CHRM5: variants seen among roughly 807,000 people sequenced by gnomAD.
The protein encoded by CHRM5 is muscarinic acetylcholine receptor M5.
A neutral mutation model predicts 39.0 loss-of-function variants in CHRM5; 18 were observed. The ratio of observed to expected loss-of-function variants is 0.46; its 90% CI spans 0.32 to 0.68. CHRM5 has a LOEUF of 0.68. Ranked by LOEUF, CHRM5 falls within the 30% of genes least tolerant of loss-of-function variation. The probability of loss-of-function intolerance (pLI) is 0.04; values close to 1 mark genes in which losing one functional copy is unlikely to be tolerated. For missense variants in CHRM5, 515 were observed against 651.1 expected (o/e 0.79, Z 2.28); for synonymous variants, 241 against 246.3 (o/e 0.98, Z 0.20).
chr15:34,004,731 T>C (rs1372370722), intron 1 of CHRM5, among the ~76,000 whole-genome samples: 1 of 152,140 alleles, frequency 6.6e-6, no homozygotes, highest in South Asian at 2.1e-4. Flanking sequence ...TATACTTAAT[T>C]GGTAATTGCT....
rs749036249 is a variant in CHRM5, at chr15:34,047,376, G to A, written c.-76+505G>A. Among the ~76,000 whole-genome samples, 9 of 151,946 alleles carry A rather than the reference G, an allele frequency of 5.9e-5. No individual in the cohort carries two copies. The South Asian group carries it at 1.0e-3, about 18-fold the overall frequency. ...ACAGGCGTGAGCCACCGTGCCCGGC[G>A]GAGACCTAGCAGTTTTACATACTCC... On this transcript the variant is annotated intron_variant, in intron 2 of 2. Transcript: ENST00000383263.
At chr15:34,058,555 A>AACACACACACACACACAC (rs3027963) in intron 2 of CHRM5, among the ~76,000 whole-genome samples, 4 of 143,180 alleles carry the variant, frequency 2.8e-5, no homozygotes, top group South Asian at 4.7e-4. Flanking sequence ...CTTTAATTCT[A>AACACACACACACACACAC]ACACACACAC....
chr15:33,999,907 A>C (rs1299289842), intron 1 of CHRM5, among the ~76,000 whole-genome samples: 1 of 152,180 alleles, frequency 6.6e-6, no homozygotes, highest in Non-Finnish European at 1.5e-5. Flanking sequence ...TCTCACTCAG[A>C]ATAAAAGAAA....
At position 34,062,629 on chromosome 15, in the gene CHRM5, T is replaced by G. The variant is rs1900379748; in HGVS notation, c.-75-14T>G. Reference sequence around the variant, plus strand: ...TGCTGGTGTGCGAAGCTAATGTGTTTCCCTCTCTTCCAGATGCTGGCCAAG... The same window carrying G: ...TGCTGGTGTGCGAAGCTAATGTGTTGCCCTCTCTTCCAGATGCTGGCCAAG... On this transcript the variant is annotated splice_polypyrimidine_tract_variant and intron_variant, in intron 2 of 2. Coordinates refer to ENST00000383263, the MANE Select transcript of CHRM5 (RefSeq NM_012125.4). The G allele has an allele frequency of 4.9e-6, 6 of 1,220,434 alleles. No homozygotes were observed. Among genetic ancestry groups the G allele is most frequent in the South Asian group, 1.4e-5 (1 of 69,196 alleles). 75.6% of individuals were successfully genotyped at this position (1,220,434 alleles called of 1,614,324 possible).
intron 1 of CHRM5, chr15:33,990,574 A>G (rs1394473201): frequency 6.6e-6 from 1 of 152,236 alleles, no homozygotes; most frequent in Admixed American, 6.5e-5. Flanking sequence ...TAAATTATCT[A>G]ATAATAAACA....
intron 1 of CHRM5, among the ~76,000 whole-genome samples, chr15:34,025,529 ATAAAGGACG>A (rs974157034): frequency 6.6e-6 from 1 of 152,204 alleles, no homozygotes; most frequent in Admixed American, 6.5e-5. Flanking sequence ...TCGAAGCCTA[ATAAAGGACG>A]TTATTGGGTC....
intron 1 of CHRM5, among the ~76,000 whole-genome samples, chr15:33,970,944 T>C (rs1895611475): frequency 1.3e-5 from 2 of 152,112 alleles, no homozygotes; most frequent in Admixed American, 1.3e-4. Flanking sequence ...TTCACTTTCT[T>C]TCCTTTCCAA....
chr15:34,062,288 G>A (rs1488191178), intron 2 of CHRM5, among the ~76,000 whole-genome samples: 1 of 152,180 alleles, frequency 6.6e-6, no homozygotes, highest in Non-Finnish European at 1.5e-5. Flanking sequence ...GGGCGCGGTG[G>A]CTCACGCCTG....
chr15:34,014,257 G>A (rs540306747), intron 1 of CHRM5, among the ~76,000 whole-genome samples: 1 of 151,666 alleles, frequency 6.6e-6, no homozygotes, highest in South Asian at 2.1e-4. Context: ...CCAGCTACTT[G>A]GGAGGCTGAG....
At position 34,065,914 on chromosome 15, in the gene CHRM5, A is replaced by G. The variant is rs1415369305; in HGVS notation, c.*1598A>G. The stretch of plus-strand genomic sequence containing the variant: ...TGTAGGCCGGGTCCTTTTCAGTCTC[A>G]TTTGCTAAGAGGATGGAAAATTAGC... On this transcript the variant is annotated 3_prime_UTR_variant, in exon 3 of 3. Transcript: ENST00000383263. 1 of 152,162 alleles carries G rather than the reference A, an allele frequency of 6.6e-6. No individual in the cohort carries two copies. The highest frequency in any genetic ancestry group is 1.5e-5 in the Non-Finnish European group (1 of 68,044). The allele number at this position is 152,162 out of a possible 1,614,324, so 9.4% of individuals were successfully genotyped here.
intron 1 of CHRM5, among the ~76,000 whole-genome samples, chr15:34,008,483 C>CTTT (rs200355232): frequency 3.1e-4 from 37 of 119,242 alleles, no homozygotes; most frequent in African/African-American, 1.3e-3. Flanking sequence ...GATGAAAAAC[C>CTTT]TTTTTTTTTT....
chr15:33,975,177 G>GCTT (rs2140507095), intron 1 of CHRM5, among the ~76,000 whole-genome samples: 1 of 152,176 alleles, frequency 6.6e-6, no homozygotes, highest in South Asian at 2.1e-4. Flanking sequence ...TCCTCCACAC[G>GCTT]CTTCTTGGAC....
chr15:34,002,838 T>C (rs560642226), intron 1 of CHRM5, among the ~76,000 whole-genome samples: 1 of 152,212 alleles, frequency 6.6e-6, no homozygotes, highest in Non-Finnish European at 1.5e-5. Context: ...CATCGGTACA[T>C]GGAAACCCTT....
At chr15:34,018,858 T>C (rs143033042) in intron 1 of CHRM5, among the ~76,000 whole-genome samples, 1 of 104,416 alleles carries the variant, frequency 9.6e-6, no homozygotes, top group Non-Finnish European at 2.3e-5. Context: ...TACAGAGTGC[T>C]GATCAGTGCA....
intron 2 of CHRM5, among the ~76,000 whole-genome samples, chr15:34,055,337 A>G (rs1900097482): frequency 6.6e-6 from 1 of 151,544 alleles, no homozygotes; most frequent in African/African-American, 2.4e-5. Context: ...ATCTCTACTA[A>G]AAATACAAAA....
intron 1 of CHRM5, among the ~76,000 whole-genome samples, chr15:34,023,553 C>T (rs1190720305): frequency 6.6e-6 from 1 of 152,146 alleles, no homozygotes; most frequent in Non-Finnish European, 1.5e-5. Flanking sequence ...AGATTCAGTG[C>T]ACAATTTCTT....
chr15:33,980,319 T>C (rs1010246698), intron 1 of CHRM5, among the ~76,000 whole-genome samples: 7 of 152,164 alleles, frequency 4.6e-5, no homozygotes, highest in African/African-American at 1.7e-4. Context: ...TCAAGAATCA[T>C]CGCACTGGTA....
At chr15:33,991,342 G>A (rs1896714170) in intron 1 of CHRM5, 1 of 152,090 alleles carries the variant, frequency 6.6e-6, no homozygotes, top group Non-Finnish European at 1.5e-5. Flanking sequence ...TCAGAGCTAA[G>A]CAAGAGCAAG....
At chr15:33,993,531 C>T (rs557044701) in intron 1 of CHRM5, among the ~76,000 whole-genome samples, 88 of 152,254 alleles carry the variant, frequency 5.8e-4, no homozygotes, top group African/African-American at 2.0e-3. Flanking sequence ...TGGTTCCCAC[C>T]TCTATGGTGG....
Sources: allele counts gnomAD v4.1 joint callset (sites outside exome capture counted in the v4.1 genomes callset), GRCh38; gene constraint gnomAD v4.1.1; transcripts MANE v1.5; gene names NCBI Gene and HGNC (gene_info 2026-07-23, HGNC 2026-07-21).